The following CSMD1 variants were observed in gnomAD, a reference collection of about 807,000 sequenced individuals.
CSMD1 encodes CUB and Sushi multiple domains 1.
Under a neutral mutation model 417.5 loss-of-function variants are expected in CSMD1, and 213 were observed. The observed-to-expected ratio is 0.51, with a 90% CI of 0.46 to 0.57. The LOEUF is 0.57. CSMD1 is among the 20% of genes least tolerant of loss of function. The pLI is 0.00. For synonymous variants in CSMD1, 2,862 were observed against 1,736.8 expected, an observed-to-expected ratio of 1.65 and a Z score of -16.11; for missense variants, 6,923 against 4,529.7, an observed-to-expected ratio of 1.53 and a Z score of -15.17.
At chr8:4,311,059 A>T (rs7843273) in intron 3 of CSMD1, among the ~76,000 whole-genome samples, 1 of 152,044 alleles carries the variant, frequency 6.6e-6, no homozygotes, top group South Asian at 2.1e-4. Context: ...TGGGAGTGTA[A>T]ATTAGTTCAA....
At chr8:3,738,203 A>G (rs1387824523) in intron 6 of CSMD1, among the ~76,000 whole-genome samples, 2 of 152,210 alleles carry the variant, frequency 1.3e-5, no homozygotes, top group Admixed American at 6.5e-5. Context: ...ACAGAAATAA[A>G]TTATATGAAG....
chr8:3,604,364 T>A (rs999339747), intron 8 of CSMD1, among the ~76,000 whole-genome samples: 3 of 152,050 alleles, frequency 2.0e-5, no homozygotes, highest in African/African-American at 7.2e-5. Context: ...AGGTACCTCA[T>A]GGGGTGATGC....
At chr8:4,400,171 A>T (rs1437564673) in intron 3 of CSMD1, among the ~76,000 whole-genome samples, 1 of 152,222 alleles carries the variant, frequency 6.6e-6, no homozygotes, top group Non-Finnish European at 1.5e-5. Flanking sequence ...GGAAGTAATT[A>T]CTGATTAAAT....
intron 7 of CSMD1, among the ~76,000 whole-genome samples, chr8:3,626,085 TCATCACCATCTGTCTGATTCCA>T (rs1376938603): frequency 2.0e-5 from 3 of 152,194 alleles, no homozygotes; most frequent in East Asian, 3.8e-4. Context: ...AGAATCGTCC[TCATCACCATCTGTCTGATTCCA>T]CATGGTGCTC....
chr8:3,530,430 G>A (rs1465214398), intron 10 of CSMD1, among the ~76,000 whole-genome samples: 1 of 152,130 alleles, frequency 6.6e-6, no homozygotes, highest in East Asian at 1.9e-4. Context: ...TTGTTTAGGT[G>A]TGTTGTTTAA....
chr8:3,452,070 T>G (rs537785520), intron 12 of CSMD1, among the ~76,000 whole-genome samples: 1 of 152,214 alleles, frequency 6.6e-6, no homozygotes, highest in African/African-American at 2.4e-5. Flanking sequence ...TTTATTCTCT[T>G]TGAAGCAATT....
At chr8:4,895,986 C>T (rs191018695) in intron 1 of CSMD1, among the ~76,000 whole-genome samples, 3 of 151,928 alleles carry the variant, frequency 2.0e-5, no homozygotes, top group Admixed American at 2.0e-4. Flanking sequence ...TAAATTCTTG[C>T]CATCCTCCCC....
chr8:4,146,643 G>A (rs932259615), intron 3 of CSMD1, among the ~76,000 whole-genome samples: 13 of 97,990 alleles, frequency 1.3e-4, no homozygotes, highest in African/African-American at 3.8e-4. Context: ...ACAGAGTCTC[G>A]ATCCGTCCCC....
chr8:4,141,544 G>A (rs1449680977), intron 3 of CSMD1, among the ~76,000 whole-genome samples: 1 of 150,964 alleles, frequency 6.6e-6, no homozygotes, highest in Non-Finnish European at 1.5e-5. Flanking sequence ...ACAAACAAAG[G>A]GGTTAAGAAG....
intron 12 of CSMD1, among the ~76,000 whole-genome samples, chr8:3,422,676 G>A (rs975579079): frequency 6.6e-6 from 1 of 152,166 alleles, no homozygotes; most frequent in Non-Finnish European, 1.5e-5. Flanking sequence ...GCATTTTTCT[G>A]ATGCCAGTGA....
rs375907918 is a variant in CSMD1 at position 2,990,726 on chromosome 8, G to A, written c.8377+7285C>T. Among the ~76,000 whole-genome samples, 8 of 152,294 alleles carry A rather than the reference G, an allele frequency of 5.3e-5. No individual in the cohort carries two copies. In the South Asian group the frequency reaches 8.3e-4, roughly 16 times the overall value. Reference sequence around the variant, plus strand: ...AAAGTAACTTTGAGGATTTTGTTATGAATGTAAGATGCTCTCTACCCTGGA... The same window carrying A: ...AAAGTAACTTTGAGGATTTTGTTATAAATGTAAGATGCTCTCTACCCTGGA... On this transcript the variant is annotated intron_variant, in intron 54 of 69. Coordinates refer to ENST00000635120, the MANE Select transcript of CSMD1 (RefSeq NM_033225.6).
chr8:3,695,390 T>C (rs1351845951), intron 7 of CSMD1, among the ~76,000 whole-genome samples: 1 of 149,256 alleles, frequency 6.7e-6, no homozygotes, highest in Non-Finnish European at 1.5e-5. Flanking sequence ...GTGTCCTGTA[T>C]GCTAAAACTC....
At chr8:3,321,413 C>G (rs1417348856) in intron 23 of CSMD1, among the ~76,000 whole-genome samples, 1 of 152,174 alleles carries the variant, frequency 6.6e-6, no homozygotes. Context: ...CTACCCTACC[C>G]TGCATATTCC....
chr8:2,950,897 A>G (rs1009594076), intron 66 of CSMD1, among the ~76,000 whole-genome samples: 3 of 152,198 alleles, frequency 2.0e-5, no homozygotes, highest in Admixed American at 6.5e-5. Flanking sequence ...AATTTTGAGC[A>G]AATCAGTTCA....
At chr8:4,970,335 T>G (rs925814255) in intron 1 of CSMD1, among the ~76,000 whole-genome samples, 2 of 152,140 alleles carry the variant, frequency 1.3e-5, no homozygotes, top group Non-Finnish European at 2.9e-5. Flanking sequence ...GGATGTGTAT[T>G]AAAGTACCCA....
intron 1 of CSMD1, among the ~76,000 whole-genome samples, chr8:4,754,202 C>G (rs1811523593): frequency 6.6e-6 from 1 of 152,078 alleles, no homozygotes; most frequent in Admixed American, 6.6e-5. Context: ...CCATTCATCT[C>G]TACAACTCTT....
At chr8:4,374,294 G>T (rs917832430) in intron 3 of CSMD1, among the ~76,000 whole-genome samples, 1 of 152,082 alleles carries the variant, frequency 6.6e-6, no homozygotes, top group African/African-American at 2.4e-5. Flanking sequence ...CTGTTATGCT[G>T]TATTAGAGTA....
chr8:4,061,135 C>T (rs1469695409), intron 3 of CSMD1, among the ~76,000 whole-genome samples: 1 of 152,180 alleles, frequency 6.6e-6, no homozygotes, highest in Admixed American at 6.5e-5. Flanking sequence ...CCAGCAGGCT[C>T]ATCTCATCCC....
intron 12 of CSMD1, among the ~76,000 whole-genome samples, chr8:3,452,322 T>C (rs895043071): frequency 6.6e-6 from 1 of 152,216 alleles, no homozygotes. Flanking sequence ...TTCTCCTGCC[T>C]GATTGCCCTG....
Sources: gnomAD v4.1 joint callset for allele counts (sites outside exome capture counted in the v4.1 genomes callset) on GRCh38, gnomAD v4.1.1 for gene constraint, MANE v1.5 for transcripts, NCBI Gene and HGNC (gene_info 2026-07-23, HGNC 2026-07-21) for gene names.